EPYC: variants seen among roughly 807,000 people sequenced by gnomAD.
The protein encoded by EPYC is dermatan sulfate proteoglycan 3.
A neutral mutation model predicts 30.1 loss-of-function variants in EPYC; 28 were observed. The observed-to-expected ratio is 0.93, with a 90% CI of 0.69 to 1.28. The LOEUF (loss-of-function observed/expected upper bound fraction) is 1.28. Among genes scored for constraint, EPYC ranks in the 50% most tolerant of loss-of-function variants. The pLI, the probability that EPYC is intolerant of heterozygous loss-of-function variation, is 0.00. For synonymous variants in EPYC, 144 were observed against 141.4 expected (o/e 1.02, Z -0.13); for missense variants, 382 against 383.5 (o/e 1.00, Z 0.03).
At chr12:90,983,441 G>C (rs992902026) in intron 2 of EPYC, among the ~76,000 whole-genome samples, 1 of 152,176 alleles carries the variant, frequency 6.6e-6, no homozygotes, top group East Asian at 1.9e-4. Context: ...AAAGACATGG[G>C]TGTCAGGCTT....
chr12:90,966,752 A>G (rs148541259), intron 6 of EPYC, among the ~76,000 whole-genome samples: 9 of 152,226 alleles, frequency 5.9e-5, no homozygotes, highest in African/African-American at 2.2e-4. Flanking sequence ...TTAACGAGTA[A>G]ATCCATGTGG....
chr12:90,969,998 T>C (rs1372268363), intron 6 of EPYC, 46 bp downstream of exon 6: 1 of 1,415,230 alleles, frequency 7.1e-7, no homozygotes, highest in Non-Finnish European at 1.0e-6. Context: ...TTTTTGGCTT[T>C]GCTTTCTCTG....
At chr12:90,985,543 T>A (rs978497890) in intron 2 of EPYC, among the ~76,000 whole-genome samples, 2 of 152,122 alleles carry the variant, frequency 1.3e-5, no homozygotes, top group African/African-American at 4.8e-5. Flanking sequence ...AGCCACAGCC[T>A]TAGTCATGGC....
intron 2 of EPYC, among the ~76,000 whole-genome samples, chr12:91,000,021 G>C (rs1877786614): frequency 6.6e-6 from 1 of 151,932 alleles, no homozygotes; most frequent in African/African-American, 2.4e-5. Flanking sequence ...TTTATTTTAA[G>C]TGCATTAGAG....
In EPYC at chr12:90,970,043, C is replaced by T. The variant is rs1224819789; in HGVS notation, c.798+1G>A. On this transcript the variant is annotated splice_donor_variant, in intron 6 of 6. Coordinates refer to ENST00000261172, the MANE Select transcript of EPYC (RefSeq NM_004950.5). LOFTEE classifies it high-confidence loss of function. ...GGCGCACCTTACTGGTAGACTCCTA[C>T]CTGGAGGTGAAGGGCTCGTAGATTT... 1.2e-6 allele frequency: 2 copies of T among 1,611,706 alleles called. No individual in the cohort carries two copies. The highest frequency in any genetic ancestry group is 1.7e-6 in the Non-Finnish European group (2 of 1,177,852).
chr12:90,970,245 T>C (rs1877006806), intron 5 of EPYC, 106 bp from the exon 6 acceptor site: 1 of 783,480 alleles, frequency 1.3e-6, no homozygotes, highest in Admixed American at 2.3e-5. Context: ...CAGATATTTG[T>C]AAAATAGCAT....
intron 2 of EPYC, among the ~76,000 whole-genome samples, chr12:90,985,606 A>G (rs985033125): frequency 1.5e-4 from 23 of 149,910 alleles, no homozygotes; most frequent in African/African-American, 5.3e-4. Flanking sequence ...GAGCAGGCCA[A>G]TCACCCAGTA....
At chr12:90,986,646 G>T (rs1271635050) in intron 2 of EPYC, among the ~76,000 whole-genome samples, 1 of 152,104 alleles carries the variant, frequency 6.6e-6, no homozygotes, top group East Asian at 1.9e-4. Flanking sequence ...GTGGAGGGGA[G>T]GGGAAAGCCA....
chr12:90,979,867 T>G (rs1291809127), intron 2 of EPYC, among the ~76,000 whole-genome samples: 1 of 152,206 alleles, frequency 6.6e-6, no homozygotes, highest in African/African-American at 2.4e-5. Context: ...GTTTAGAGAT[T>G]TTCTGAGACA....
Position 90,971,953 on chromosome 12 carries a change from A to G in EPYC, c.549T>C (p.Asp183=), listed in dbSNP as rs769915886. ...GAGGCAGTTTTCGGAATGCATCTTC[A>G]TCAATCTCAGATATTAAATTTGATG... The part of the protein sequence containing the change: ...DLTSNLISEI[D]EDAFRKLPQL... The change falls in exon 5 of 7, where the codon GAT becomes GAC. Residue 183 remains aspartate, a synonymous_variant. Transcript: ENST00000261172. 3.7e-6 allele frequency: 6 copies of G among 1,609,484 alleles called. No homozygotes were observed. In the South Asian group the frequency reaches 6.6e-5, roughly 18 times the overall value.
At chr12:90,983,797 C>G (rs1299938772) in intron 2 of EPYC, among the ~76,000 whole-genome samples, 2 of 152,056 alleles carry the variant, frequency 1.3e-5, no homozygotes, top group Non-Finnish European at 2.9e-5. Flanking sequence ...CTATTTTTTC[C>G]TATAAGAATG....
At chr12:90,987,111 C>T (rs1877468587) in intron 2 of EPYC, among the ~76,000 whole-genome samples, 1 of 152,016 alleles carries the variant, frequency 6.6e-6, no homozygotes, top group Non-Finnish European at 1.5e-5. Context: ...GGAATATCAC[C>T]ATCTTGGACA....
At chr12:90,975,092 T>A (rs1250395970) in intron 3 of EPYC, among the ~76,000 whole-genome samples, 6 of 152,128 alleles carry the variant, frequency 3.9e-5, no homozygotes, top group Admixed American at 6.6e-5. Flanking sequence ...CTTATTACTA[T>A]CATTAAATAC....
chr12:91,002,696 T>A lies in EPYC; in HGVS notation c.-13-118A>T, dbSNP rs1592633834. On this transcript the variant is annotated intron_variant, in intron 1 of 6. Coordinates refer to ENST00000261172, the MANE Select transcript of EPYC (RefSeq NM_004950.5). ...AAGAACTCAAGCTGGTAGCTTTCCT[T>A]CCATGGATAATTTATAAACATAACA... 9 of 737,398 alleles carry A rather than the reference T, an allele frequency of 1.2e-5. No individual in the cohort carries two copies. In the East Asian group the frequency reaches 2.6e-4, roughly 21 times the overall value. 45.7% of individuals were successfully genotyped at this position (737,398 alleles called of 1,614,324 possible).
chr12:90,987,198 C>T (rs1461485569), intron 2 of EPYC, among the ~76,000 whole-genome samples: 2 of 152,110 alleles, frequency 1.3e-5, no homozygotes, highest in African/African-American at 2.4e-5. Context: ...CTAAGGTCAG[C>T]ATAACCATAA....
At chr12:90,976,421 T>C (rs1877181729) in intron 3 of EPYC, among the ~76,000 whole-genome samples, 1 of 152,144 alleles carries the variant, frequency 6.6e-6, no homozygotes, top group Admixed American at 6.6e-5. Flanking sequence ...AGGTAAGTTC[T>C]ATTATTTATT....
intron 2 of EPYC, among the ~76,000 whole-genome samples, chr12:90,980,926 TTCAG>T (rs1213814727): frequency 6.6e-6 from 1 of 152,190 alleles, no homozygotes; most frequent in Non-Finnish European, 1.5e-5. Flanking sequence ...TGACTTTGAT[TTCAG>T]TCAAAGTCAC....
chr12:90,972,764 G>A, intron 4 of EPYC, 58 bp downstream of exon 4: 1 of 1,435,422 alleles, frequency 7.0e-7, no homozygotes. Flanking sequence ...ATTTAACAAT[G>A]TAAAAATTTA....
At chr12:90,970,178 A>C in intron 5 of EPYC, 39 bp from the exon 6 acceptor site, 2 of 1,408,220 alleles carry the variant, frequency 1.4e-6, no homozygotes, top group Non-Finnish European at 2.0e-6. Context: ...ATAAAAACTC[A>C]ATAAAAACTC....
Sources: allele counts gnomAD v4.1 joint callset (sites outside exome capture counted in the v4.1 genomes callset), GRCh38; gene constraint gnomAD v4.1.1; transcripts MANE v1.5; gene names NCBI Gene and HGNC (gene_info 2026-07-23, HGNC 2026-07-21).